Variants in PIP5K1C observed in about 807,000 individuals in gnomAD.
PIP5K1C encodes the protein phosphatidylinositol-4-phosphate 5-kinase type 1 gamma, also known as phosphatidylinositol 4-phosphate 5-kinase type-1 gamma.
In PIP5K1C, 45 loss-of-function variants were observed where a neutral mutation model predicts 80.1. The ratio of observed to expected loss-of-function variants is 0.56; its 90% confidence interval spans 0.44 to 0.72. The LOEUF (loss-of-function observed/expected upper bound fraction) is 0.72, where lower values mean the gene tolerates loss of function less well. PIP5K1C is among the 30% of genes least tolerant of loss of function. The pLI is 0.00. For synonymous variants in PIP5K1C, 498 were observed against 420.1 expected (o/e 1.19, Z -2.27); for missense variants, 753 against 954.6 (o/e 0.79, Z 2.78).
chr19:3,639,262 G>T lies in PIP5K1C; in HGVS notation c.1788-246C>A, dbSNP rs367930019. Among the ~76,000 whole-genome samples, 55 of 152,252 alleles carry T rather than the reference G, an allele frequency of 3.6e-4. No homozygotes were observed. In the East Asian group the frequency reaches 9.3e-3, roughly 26 times the overall value. ...TGACCCGCCAGCCCGCTGACAGCTC[G>T]GCCCTGCCACTCCCAGCTCAGACAC... On this transcript the variant is annotated intron_variant, in intron 15 of 17. Coordinates refer to ENST00000335312, the MANE Select transcript of PIP5K1C (RefSeq NM_012398.3).
At chr19:3,641,628 G>A in intron 15 of PIP5K1C, 77 bp downstream of exon 15, 3 of 1,042,674 alleles carry the variant, frequency 2.9e-6, no homozygotes, top group Non-Finnish European at 3.0e-6. Flanking sequence ...GCTTCATGAT[G>A]AAACCTCGGG....
rs529433146 is a variant in PIP5K1C, at chr19:3,686,628, G to C, written c.94+13669C>G. ...AGCTACTCAGGAGGCTGAGGCAGGA[G>C]AATCACTTGAACCCAGGAGGTGGAG... is the stretch of plus-strand genomic sequence containing the variant. On this transcript the variant is annotated intron_variant, in intron 1 of 17. Coordinates refer to ENST00000335312, the MANE Select transcript of PIP5K1C (RefSeq NM_012398.3). Among the ~76,000 whole-genome samples the C allele has an allele frequency of 3.3e-5, 5 of 151,904 alleles. No homozygotes were observed. The East Asian group carries it at 7.7e-4, about 23-fold the overall frequency.
intron 5 of PIP5K1C, among the ~76,000 whole-genome samples, chr19:3,659,943 C>T (rs968155521): frequency 1.3e-4 from 20 of 152,216 alleles, no homozygotes; most frequent in Non-Finnish European, 2.2e-4. Flanking sequence ...ACAACCAGAA[C>T]GCCAACCGCA....
At chr19:3,685,911 T>C (rs2035746040) in intron 1 of PIP5K1C, among the ~76,000 whole-genome samples, 1 of 151,872 alleles carries the variant, frequency 6.6e-6, no homozygotes, top group Non-Finnish European at 1.5e-5. Context: ...TCACCCAGGC[T>C]GGAACACAGT....
intron 8 of PIP5K1C, among the ~76,000 whole-genome samples, chr19:3,650,998 C>T (rs1301582810): frequency 1.3e-5 from 2 of 152,014 alleles, no homozygotes; most frequent in African/African-American, 2.4e-5. Context: ...TCAGATGATC[C>T]ACCTGCCTCA....
intron 1 of PIP5K1C, among the ~76,000 whole-genome samples, chr19:3,694,757 G>C (rs1342225908): frequency 6.6e-6 from 1 of 152,204 alleles, no homozygotes; most frequent in Non-Finnish European, 1.5e-5. Flanking sequence ...CTGAGCCACA[G>C]CCCACCCTTA....
chr19:3,689,088 G>A (rs938177769), intron 1 of PIP5K1C, among the ~76,000 whole-genome samples: 1 of 152,100 alleles, frequency 6.6e-6, no homozygotes, highest in African/African-American at 2.4e-5. Flanking sequence ...GTGCAATCAC[G>A]GCTCACTGCA....
intron 1 of PIP5K1C, among the ~76,000 whole-genome samples, chr19:3,677,077 G>A (rs915672242): frequency 6.6e-6 from 1 of 151,870 alleles, no homozygotes; most frequent in African/African-American, 2.4e-5. Flanking sequence ...ACTCTAGCCT[G>A]GGCAACAGAG....
chr19:3,699,909 G>A (rs1250408450), intron 1 of PIP5K1C, among the ~76,000 whole-genome samples: 1 of 152,184 alleles, frequency 6.6e-6, no homozygotes, highest in East Asian at 1.9e-4. Context: ...CCGGACTCAG[G>A]TCTGGGGACT....
At chr19:3,678,045 G>GGTGGAGGA (rs2035437046) in intron 1 of PIP5K1C, among the ~76,000 whole-genome samples, 3 of 130,270 alleles carry the variant, frequency 2.3e-5, no homozygotes, top group African/African-American at 3.0e-5. Flanking sequence ...AGAATGGAGG[G>GGTGGAGGA]ATGGAGAATG....
chr19:3,689,306 A>G (rs2035872996), intron 1 of PIP5K1C, among the ~76,000 whole-genome samples: 2 of 152,188 alleles, frequency 1.3e-5, no homozygotes, highest in African/African-American at 4.8e-5. Flanking sequence ...TTTCCCCTGG[A>G]GCCAGGGCTC....
intron 1 of PIP5K1C, among the ~76,000 whole-genome samples, chr19:3,695,951 A>C (rs986828117): frequency 6.6e-6 from 1 of 151,990 alleles, no homozygotes; most frequent in Non-Finnish European, 1.5e-5. Flanking sequence ...GGCTGGTCTC[A>C]AACTCCTGAG....
chr19:3,640,744 T>C (rs1038413374), intron 15 of PIP5K1C, among the ~76,000 whole-genome samples: 3 of 151,354 alleles, frequency 2.0e-5, no homozygotes, highest in African/African-American at 7.3e-5. Context: ...TGGAGTGCAG[T>C]GGTGCGATCT....
At chr19:3,671,895 T>C (rs909664118) in intron 1 of PIP5K1C, among the ~76,000 whole-genome samples, 2 of 152,250 alleles carry the variant, frequency 1.3e-5, no homozygotes, top group Admixed American at 6.5e-5. Context: ...ATCTGCTGAA[T>C]GAGCCACCCC....
At chr19:3,635,198 G>A (rs570666478) in intron 16 of PIP5K1C, among the ~76,000 whole-genome samples, 3 of 152,362 alleles carry the variant, frequency 2.0e-5, no homozygotes, top group South Asian at 2.1e-4. Flanking sequence ...GGGGCATCCC[G>A]GGCACACACA....
At chr19:3,670,277 G>A (rs1462803972) in intron 1 of PIP5K1C, among the ~76,000 whole-genome samples, 7 of 152,214 alleles carry the variant, frequency 4.6e-5, no homozygotes, top group South Asian at 2.1e-4. Flanking sequence ...GCCTGCAACC[G>A]TATTTGGAAA....
chr19:3,662,091 A>T, intron 3 of PIP5K1C, 90 bp from the exon 4 acceptor site: 3 of 1,475,590 alleles, frequency 2.0e-6, no homozygotes, highest in Non-Finnish European at 2.7e-6. Context: ...GATCGTGACC[A>T]GCTGCAGCTT....
intron 2 of PIP5K1C, among the ~76,000 whole-genome samples, chr19:3,666,066 G>C (rs991388465): frequency 6.6e-6 from 1 of 152,100 alleles, no homozygotes; most frequent in Non-Finnish European, 1.5e-5. Context: ...CCGCCACCCG[G>C]GCCACCCTCC....
chr19:3,663,550 G>C (rs75798007), intron 3 of PIP5K1C, among the ~76,000 whole-genome samples: 19 of 152,322 alleles, frequency 1.2e-4, no homozygotes, highest in Admixed American at 8.5e-4. Context: ...GGGGGGCCAC[G>C]CACCTGGAAT....
Sources: allele counts gnomAD v4.1 joint callset (sites outside exome capture counted in the v4.1 genomes callset), GRCh38; gene constraint gnomAD v4.1.1; transcripts MANE v1.5; gene names NCBI Gene and HGNC (gene_info 2026-07-23, HGNC 2026-07-21).